The following TAS2R13 variants were observed in gnomAD, a reference collection of about 807,000 sequenced individuals.
TAS2R13 encodes taste receptor type 2 member 13.
For missense variants in TAS2R13, 384 were observed against 347.5 expected (o/e 1.11, Z -0.84); for synonymous variants, 129 against 125.5 (o/e 1.03, Z -0.19).
chr12:10,908,129 A>G lies in TAS2R13; in HGVS notation c.*258T>C, dbSNP rs1208338484. 3 of 419,038 alleles carry G rather than the reference A, an allele frequency of 7.2e-6. No homozygotes were observed. The highest frequency in any genetic ancestry group is 1.3e-5 in the Non-Finnish European group (3 of 239,540). The allele number at this position is 419,038 out of a possible 1,614,324, so 26.0% of individuals were successfully genotyped here. A position where few individuals can be genotyped will look rare whatever the true frequency, so the allele number is the denominator to read the frequency against. ...TAAGTATGCTGTAGTATATGTTTTT[A>G]ATTTACAATAGAATCTGCCAATAAT... On this transcript the variant is annotated 3_prime_UTR_variant, in exon 1 of 1. Coordinates refer to ENST00000390677, the MANE Select transcript of TAS2R13 (RefSeq NM_023920.2).
rs372007541 is a variant in TAS2R13 at position 10,908,978 on chromosome 12, A to G, written c.321T>C (p.Tyr107=). 1 of 1,613,652 alleles carries G rather than the reference A, an allele frequency of 6.2e-7. No individual in the cohort carries two copies. The highest frequency in any genetic ancestry group is 8.5e-7 in the Non-Finnish European group (1 of 1,179,986). ...TAGAGAAACTCGCTATTTTGAGCAA[A>G]TAAAAGATGCTGAAGATTGTAGCAA... is the stretch of plus-strand genomic sequence containing the variant. ...LWLATIFSIF[Y]LLKIASFSSP... The change falls in exon 1 of 1, where the codon TAT becomes TAC. Residue 107 remains tyrosine (Y), a synonymous_variant. Coordinates refer to ENST00000390677, the MANE Select transcript of TAS2R13 (RefSeq NM_023920.2).
rs1339360344 is a variant in TAS2R13 at position 10,909,047 on chromosome 12, A to G, written c.252T>C (p.Ile84=). The part of the protein sequence containing the change: ...AIFVSGTGLR[I]MIFSWIVSNH... ...TAGAAACTATCCAGCTAAAAATCAT[A>G]ATTCTTAATCCTGTTCCAGACACAA... is the stretch of plus-strand genomic sequence containing the variant. The change falls in exon 1 of 1, where the codon ATT becomes ATC. Residue 84 remains isoleucine (I), a synonymous_variant. Transcript: ENST00000390677. 1 of 1,613,702 alleles carries G rather than the reference A, an allele frequency of 6.2e-7. No individual in the cohort carries two copies. Among genetic ancestry groups the G allele is most frequent in the East Asian group, 2.2e-5 (1 of 44,858 alleles).
In TAS2R13 at chr12:10,908,981, A is replaced by C. The variant is rs1162970517; in HGVS notation, c.318T>G (p.Phe106Leu). 1 of 1,613,680 alleles carries C rather than the reference A, an allele frequency of 6.2e-7. No homozygotes were observed. The highest frequency in any genetic ancestry group is 8.5e-7 in the Non-Finnish European group (1 of 1,180,000). ...NLWLATIFSI[F>L]YLLKIASFSS... ...AGAAACTCGCTATTTTGAGCAAATAAAAGATGCTGAAGATTGTAGCAAGCC... is the reference window on the plus strand; with the variant it reads ...AGAAACTCGCTATTTTGAGCAAATACAAGATGCTGAAGATTGTAGCAAGCC... The change falls in exon 1 of 1, where the codon TTT becomes TTG. Residue 106 changes from phenylalanine to leucine, a missense_variant. Physicochemically the swap from Phe to Leu is conservative, Grantham distance 22. Coordinates refer to ENST00000390677, the MANE Select transcript of TAS2R13 (RefSeq NM_023920.2).
rs1565464042 is a variant in TAS2R13, at chr12:10,908,685, A to C, written c.614T>G (p.Leu205Arg). ...FISFLLLIFS[L>R]QKHLQKMQLN... Reference sequence around the variant, plus strand: ...TTGCATTTTCTGGAGATGTTTCTGCAGGGAGAAAATTAACAGGAGAAAAGA... The same window carrying C: ...TTGCATTTTCTGGAGATGTTTCTGCCGGGAGAAAATTAACAGGAGAAAAGA... The change falls in exon 1 of 1, where the codon CTG becomes CGG. Residue 205 changes from leucine (L) to arginine (R), a missense_variant. By Grantham distance (102) the Leu-to-Arg change is moderately radical. Transcript: ENST00000390677. 5 of 1,613,864 alleles carry C rather than the reference A, an allele frequency of 3.1e-6. No homozygotes were observed. The highest frequency in any genetic ancestry group is 4.2e-6 in the Non-Finnish European group (5 of 1,179,924).
At position 10,908,975 on chromosome 12, in the gene TAS2R13, C is replaced by T. The variant is rs1253320509; in HGVS notation, c.324G>A (p.Leu108=). ...WLATIFSIFY[L]LKIASFSSPA... is the part of the protein sequence containing the mutation. Reference sequence around the variant, plus strand: ...GGCTAGAGAAACTCGCTATTTTGAGCAAATAAAAGATGCTGAAGATTGTAG... The same window carrying T: ...GGCTAGAGAAACTCGCTATTTTGAGTAAATAAAAGATGCTGAAGATTGTAG... The change falls in exon 1 of 1, where the codon TTG becomes TTA. Residue 108 remains leucine (L), a synonymous_variant. Transcript: ENST00000390677. 6.2e-7 allele frequency: 1 copy of T among 1,613,634 alleles called. No individual in the cohort carries two copies. The highest frequency in any genetic ancestry group is 1.3e-5 in the African/African-American group (1 of 75,044).
rs202178459 is a variant in TAS2R13, at chr12:10,908,973, A to T, written c.326T>A (p.Leu109His). 130 of 1,613,630 alleles carry T rather than the reference A, an allele frequency of 8.1e-5. 2 individuals carry two copies. The highest frequency in any genetic ancestry group is 3.3e-4 in the South Asian group (30 of 91,080). The change falls in exon 1 of 1, where the codon CTC becomes CAC. Residue 109 changes from leucine (L) to histidine (H), a missense_variant. Transcript: ENST00000390677. The part of the protein sequence containing the change: ...LATIFSIFYL[L>H]KIASFSSPAF... ...AGGGCTAGAGAAACTCGCTATTTTG[A>T]GCAAATAAAAGATGCTGAAGATTGT...
rs1397200953 is a variant in TAS2R13, at chr12:10,908,486, G to C, written c.813C>G (p.Val271=). The C allele has an allele frequency of 1.2e-6, 2 of 1,613,902 alleles. No homozygotes were observed. Among genetic ancestry groups the C allele is most frequent in the Admixed American group, 3.3e-5 (2 of 59,956 alleles). ...VIYMLCETIG[V]FSPSSHSFLL... ...GAAAGGAGTGGCTTGAAGGAGAGAA[G>C]ACTCCAATCGTCTCACAAAGCATGT... is the stretch of plus-strand genomic sequence containing the variant. The change falls in exon 1 of 1, where the codon GTC becomes GTG. Residue 271 remains valine (V), a synonymous_variant. Coordinates refer to ENST00000390677, the MANE Select transcript of TAS2R13 (RefSeq NM_023920.2).
In TAS2R13 at chr12:10,909,381, A is replaced by G; in HGVS notation, c.-83T>C. The G allele has an allele frequency of 1.1e-6, 1 of 932,348 alleles. No homozygotes were observed. The highest frequency in any genetic ancestry group is 1.7e-5 in the South Asian group (1 of 58,282). The allele number at this position is 932,348 out of a possible 1,614,324, so 57.8% of individuals were successfully genotyped here. On this transcript the variant is annotated 5_prime_UTR_variant, in exon 1 of 1. Transcript: ENST00000390677. ...ATGCTATTCACATCCTTGAGTGTCC[A>G]GTGGAGTTCTTCTTCCTTCTCCTTT...
Position 10,908,936 on chromosome 12 carries a change from A to G in TAS2R13, c.363T>C (p.Tyr121=), listed in dbSNP as rs773681987. 1 of 1,613,432 alleles carries G rather than the reference A, an allele frequency of 6.2e-7. No individual in the cohort carries two copies. The highest frequency in any genetic ancestry group is 1.1e-5 in the South Asian group (1 of 91,048). Residue 121 remains tyrosine, a synonymous_variant, in exon 1 of 1, where the codon TAT becomes TAC. Transcript: ENST00000390677. Reference sequence around the variant, plus strand: ...TCACTTTGTTTACTCTCCACTTCAAATAGAGAAAAGCAGGGCTAGAGAAAC... The same window carrying G: ...TCACTTTGTTTACTCTCCACTTCAAGTAGAGAAAAGCAGGGCTAGAGAAAC... ...IASFSSPAFL[Y]LKWRVNKVIL...
chr12:10,908,663 CA>C, the TAS2R13 span: 1 of 1,613,842 alleles, frequency 6.2e-7, no homozygotes, highest in Non-Finnish European at 8.5e-7. Context: ...AATTGAGTTG[CA>C]TTTTCTGGAG....
Position 10,908,710 on chromosome 12 carries a change from A to G in TAS2R13, c.589T>C (p.Ser197Pro), listed in dbSNP as rs1232834878. ...AGGGAGAAAATTAACAGGAGAAAAGAGATGAAGGCCACAGTAAATGGTGTT... is the reference window on the plus strand; with the variant it reads ...AGGGAGAAAATTAACAGGAGAAAAGGGATGAAGGCCACAGTAAATGGTGTT... Reference protein sequence around the residue: ...SLTPFTVAFISFLLLIFSLQK... With the variant: ...SLTPFTVAFIPFLLLIFSLQK... The change falls in exon 1 of 1, where the codon TCT (serine) becomes CCT (proline). Residue 197 changes from serine (S) to proline (P), a missense_variant. Ser to Pro is a moderately conservative substitution (Grantham distance 74). Coordinates refer to ENST00000390677, the MANE Select transcript of TAS2R13 (RefSeq NM_023920.2). 6.2e-7 allele frequency: 1 copy of G among 1,613,906 alleles called. No homozygotes were observed. The highest frequency in any genetic ancestry group is 8.5e-7 in the Non-Finnish European group (1 of 1,179,910).
rs767444440 is a variant in TAS2R13 at position 10,908,459 on chromosome 12, A to G, written c.840T>C (p.Leu280=). The part of the protein sequence containing the change: ...GVFSPSSHSF[L]LILGNAKLRQ... The stretch of plus-strand genomic sequence containing the variant: ...TTAACTTAGCGTTTCCTAGAATCAG[A>G]AGAAAGGAGTGGCTTGAAGGAGAGA... The change falls in exon 1 of 1, where the codon CTT becomes CTC. Residue 280 remains leucine, a synonymous_variant. Transcript: ENST00000390677. 1 of 1,613,936 alleles carries G rather than the reference A, an allele frequency of 6.2e-7. No homozygotes were observed. The highest frequency in any genetic ancestry group is 2.2e-5 in the East Asian group (1 of 44,870).
Position 10,909,105 on chromosome 12 carries a change from C to T in TAS2R13, c.194G>A (p.Ser65Asn), listed in dbSNP as rs936321682. The change falls in exon 1 of 1, where the codon AGT (serine) becomes AAT (asparagine). Residue 65 changes from serine to asparagine, a missense_variant. Ser to Asn is a conservative substitution (Grantham distance 46). Transcript: ENST00000390677. Reference protein sequence around the residue: ...RIGLIWEILVSWFLALHYLAI... With the variant: ...RIGLIWEILVNWFLALHYLAI... ...TAGATAATGCAGAGCTAAAAACCAA[C>T]TTACTAATATTTCCCAGATCAGCCC... 1.2e-5 allele frequency: 19 copies of T among 1,613,688 alleles called. No individual in the cohort carries two copies. In the East Asian group the frequency reaches 1.3e-4, roughly 11 times the overall value.
At chr12:10,908,835 C>T in the TAS2R13 span, 1 of 1,613,744 alleles carries the variant, frequency 6.2e-7, no homozygotes, top group Non-Finnish European at 8.5e-7. Context: ...TCGGTCCAGC[C>T]AGTCTTTTAT....
Position 10,908,358 on chromosome 12 carries a change from T to A in TAS2R13, c.*29A>T. The A allele has an allele frequency of 1.3e-6, 2 of 1,584,732 alleles. No individual in the cohort carries two copies. The highest frequency in any genetic ancestry group is 2.7e-5 in the African/African-American group (2 of 73,778). ...GTCTGCAATATTCAATAATCTGTGG[T>A]CTGAATGGCTTATGAAATTGTGAGT... On this transcript the variant is annotated 3_prime_UTR_variant, in exon 1 of 1. Transcript: ENST00000390677.
Position 10,908,537 on chromosome 12 carries a change from A to G in TAS2R13, c.762T>C (p.Ser254=). 2 of 1,614,006 alleles carry G rather than the reference A, an allele frequency of 1.2e-6. No homozygotes were observed. The highest frequency in any genetic ancestry group is 1.7e-6 in the Non-Finnish European group (2 of 1,179,964). ...AGATCACTGTGTTCTGATACAGCTC[A>G]GAAATCCATGATATGAGAACACATA... ...FFLCVLISWI[S]ELYQNTVIYM... is the part of the protein sequence containing the mutation. Residue 254 remains serine, a synonymous_variant, in exon 1 of 1, where the codon TCT becomes TCC. Coordinates refer to ENST00000390677, the MANE Select transcript of TAS2R13 (RefSeq NM_023920.2).
In TAS2R13 at chr12:10,909,262, T is replaced by A; in HGVS notation, c.37A>T (p.Ile13Leu). 6.2e-7 allele frequency: 1 copy of A among 1,613,544 alleles called. No homozygotes were observed. The highest frequency in any genetic ancestry group is 8.5e-7 in the Non-Finnish European group (1 of 1,179,688). Residue 13 changes from isoleucine (I) to leucine (L), a missense_variant, in exon 1 of 1, where the codon ATA becomes TTA. Coordinates refer to ENST00000390677, the MANE Select transcript of TAS2R13 (RefSeq NM_023920.2). ...SALPSIFTLV[I>L]IAEFIIGNLS... ...TTCCCAATTATGAATTCTGCAATTA[T>A]TACAAGAGTGAAGATACTCGGCAGG...
chr12:10,909,318 A>G lies in TAS2R13; in HGVS notation c.-20T>C. On this transcript the variant is annotated 5_prime_UTR_variant, in exon 1 of 1. Transcript: ENST00000390677. ...TTCCATGTCAGAACAGAGAAAGTTC[A>G]ATGTCTAATGTCACTGCTGGTTATT... 6.5e-7 allele frequency: 1 copy of G among 1,540,980 alleles called. No homozygotes were observed. Among genetic ancestry groups the G allele is most frequent in the Non-Finnish European group, 8.9e-7 (1 of 1,119,358 alleles).
chr12:10,909,146 C>T lies in TAS2R13; in HGVS notation c.153G>A (p.Leu51=). The T allele has an allele frequency of 6.2e-7, 1 of 1,613,896 alleles. No homozygotes were observed. The highest frequency in any genetic ancestry group is 8.5e-7 in the Non-Finnish European group (1 of 1,179,996). ...LSSVDKLLII[L]AISRIGLIWE... ...AGATCAGCCCAATTCTGGAGATTGCCAAGATAATGAGGAGTTTATCGACTG... is the reference window on the plus strand; with the variant it reads ...AGATCAGCCCAATTCTGGAGATTGCTAAGATAATGAGGAGTTTATCGACTG... The change falls in exon 1 of 1, where the codon TTG becomes TTA. Residue 51 remains leucine, a synonymous_variant. Coordinates refer to ENST00000390677, the MANE Select transcript of TAS2R13 (RefSeq NM_023920.2).
Sources: gnomAD v4.1 joint callset for allele counts on GRCh38, gnomAD v4.1.1 for gene constraint, MANE v1.5 for transcripts, NCBI Gene and HGNC (gene_info 2026-07-23, HGNC 2026-07-21) for gene names.